Variants in FAM204A observed in about 807,000 individuals in gnomAD.
FAM204A encodes the protein family with sequence similarity 204 member A.
FAM204A carries 16 observed loss-of-function variants against 35.4 expected under a neutral mutation model. The ratio of observed to expected loss-of-function variants is 0.45; its 90% CI spans 0.31 to 0.69. FAM204A has a LOEUF of 0.69. Among genes scored for constraint, FAM204A ranks in the 30% least tolerant of loss-of-function variants. FAM204A has a pLI of 0.07. For missense variants in FAM204A, 240 were observed against 265.7 expected (o/e 0.90, Z 0.67); for synonymous variants, 76 against 86.9 (o/e 0.88, Z 0.70).
At chr10:118,316,203 C>T (rs930284944) in intron 7 of FAM204A, among the ~76,000 whole-genome samples, 5 of 152,058 alleles carry the variant, frequency 3.3e-5, no homozygotes, top group African/African-American at 9.7e-5. Flanking sequence ...AAATAACTTT[C>T]GAAACTCTGC....
chr10:118,314,457 A>C (rs1019239500), intron 7 of FAM204A, among the ~76,000 whole-genome samples: 1 of 152,218 alleles, frequency 6.6e-6, no homozygotes, highest in African/African-American at 2.4e-5. Context: ...TGAAAATATA[A>C]AAGGCTAATA....
At chr10:118,315,638 T>C (rs1846018681) in intron 7 of FAM204A, among the ~76,000 whole-genome samples, 1 of 152,130 alleles carries the variant, frequency 6.6e-6, no homozygotes, top group African/African-American at 2.4e-5. Context: ...AATTTTTATA[T>C]CAGTTTGGTC....
chr10:118,318,893 T>C (rs1001284228), intron 7 of FAM204A, among the ~76,000 whole-genome samples: 5 of 151,666 alleles, frequency 3.3e-5, no homozygotes, highest in African/African-American at 4.8e-5. Context: ...ACACTCCAGG[T>C]ACTCTGATCA....
intron 7 of FAM204A, among the ~76,000 whole-genome samples, chr10:118,320,505 G>GTT (rs1406975889): frequency 6.6e-6 from 1 of 151,832 alleles, no homozygotes; most frequent in East Asian, 1.9e-4. Flanking sequence ...CCAAGTCTGA[G>GTT]TTTAACAAGC....
chr10:118,341,069 T>C (rs1180704067), intron 2 of FAM204A, among the ~76,000 whole-genome samples: 1 of 152,228 alleles, frequency 6.6e-6, no homozygotes, highest in Non-Finnish European at 1.5e-5. Context: ...CAAGATGCTA[T>C]ACTAAGTTGC....
chr10:118,310,780 A>G lies in FAM204A; in HGVS notation c.*77T>C, dbSNP rs1289992489. ...GTTTTAGTGCTATCAATTTTCTGAC[A>G]TATTAACATAGGCAGGAAAACATTC... On this transcript the variant is annotated 3_prime_UTR_variant, in exon 9 of 9. Transcript: ENST00000369183. 8.0e-7 allele frequency: 1 copy of G among 1,243,684 alleles called. No homozygotes were observed. Among genetic ancestry groups the G allele is most frequent in the Admixed American group, 2.3e-5 (1 of 43,798 alleles). 77.0% of individuals were successfully genotyped at this position (1,243,684 alleles called of 1,614,324 possible).
At chr10:118,311,936 T>C (rs1438535430) in intron 7 of FAM204A, among the ~76,000 whole-genome samples, 1 of 152,162 alleles carries the variant, frequency 6.6e-6, no homozygotes, top group Non-Finnish European at 1.5e-5. Flanking sequence ...GCCCTCTATG[T>C]GTGCCCCCCT....
Position 118,336,274 on chromosome 10 carries a change from C to G in FAM204A, c.142G>C (p.Asp48His), listed in dbSNP as rs146725250. The change falls in exon 3 of 9, where the codon GAT becomes CAT. Residue 48 changes from aspartate (D) to histidine (H), a missense_variant. By Grantham distance (81) the Asp-to-His change is moderately conservative. Transcript: ENST00000369183. ...DESIRKTEII[D>H]FSTDEPKTET... ...GTTTTTGGTTCATCTGTTGAGAAATCTATGATTTCTGTTTTTCTGATGCTC... is the reference window on the plus strand; with the variant it reads ...GTTTTTGGTTCATCTGTTGAGAAATGTATGATTTCTGTTTTTCTGATGCTC... 2.5e-6 allele frequency: 4 copies of G among 1,613,830 alleles called. No homozygotes were observed. The African/African-American group carries it at 5.3e-5, about 22-fold the overall frequency.
In FAM204A at chr10:118,336,363, T is replaced by A; in HGVS notation, c.53A>T (p.Asn18Ile). ...CTCCAACGTAGCTTCATCTTCCGAG[T>A]TTGACTCAGCGTCACTTTCATTTAG... ...PGLNESDAESNSEDEATLENS... is the reference protein window; with the variant it reads ...PGLNESDAESISEDEATLENS... The change falls in exon 3 of 9, where the codon AAC becomes ATC. Residue 18 changes from asparagine (N) to isoleucine (I), a missense_variant. This residue lies in a region of FAM204A where 232 missense variants were observed against 242.8 expected (regional missense o/e 0.96). Coordinates refer to ENST00000369183, the MANE Select transcript of FAM204A (RefSeq NM_022063.3). 1 of 1,613,956 alleles carries A rather than the reference T, an allele frequency of 6.2e-7. No homozygotes were observed. The highest frequency in any genetic ancestry group is 1.3e-5 in the African/African-American group (1 of 75,050).
chr10:118,317,496 A>G (rs944807819), intron 7 of FAM204A, among the ~76,000 whole-genome samples: 1 of 152,044 alleles, frequency 6.6e-6, no homozygotes, highest in Non-Finnish European at 1.5e-5. Context: ...ACCCAATCAT[A>G]CCCCAAAGGT....
chr10:118,318,926 C>CT lies in FAM204A; in HGVS notation c.543+7227dup, dbSNP rs375940724. 2.1e-3 allele frequency among the ~76,000 whole-genome samples: 290 copies of CT among 140,894 alleles called. 1 individual carries two copies. Among genetic ancestry groups the CT allele is most frequent in the Middle Eastern group, 7.5e-3 (2 of 266 alleles). 92.4% of individuals were successfully genotyped at this position (140,894 alleles called of 152,430 possible). On this transcript the variant is annotated intron_variant, in intron 7 of 8. Transcript: ENST00000369183. ...TCAAAATTGTATTATTTGGGAAGGG[C>CT]TTTTTTTTTTTTTCCCAGGGGGAGG...
At chr10:118,316,222 T>C (rs939271495) in intron 7 of FAM204A, among the ~76,000 whole-genome samples, 1 of 152,190 alleles carries the variant, frequency 6.6e-6, no homozygotes, top group African/African-American at 2.4e-5. Flanking sequence ...GCATTAATAT[T>C]GATTTTTAAA....
intron 3 of FAM204A, 31 bp downstream of exon 3, chr10:118,336,151 C>A: frequency 6.2e-7 from 1 of 1,600,390 alleles, no homozygotes; most frequent in South Asian, 1.1e-5. Flanking sequence ...CACACACAGG[C>A]TGTAGCAAGA....
chr10:118,315,457 C>A (rs1846016131), intron 7 of FAM204A, among the ~76,000 whole-genome samples: 1 of 152,098 alleles, frequency 6.6e-6, no homozygotes, highest in Non-Finnish European at 1.5e-5. Context: ...TGAACACTTT[C>A]AAGGCACTTA....
At chr10:118,330,227 A>T (rs1589727604) in intron 6 of FAM204A, among the ~76,000 whole-genome samples, 1 of 152,332 alleles carries the variant, frequency 6.6e-6, no homozygotes, top group East Asian at 1.9e-4. Context: ...AAACATTAAT[A>T]TCAAACTACA....
Position 118,310,747 on chromosome 10 carries a change from T to C in FAM204A, c.*110A>G. ...ATAATCAAAATCCCAAATTTTATGC[T>C]TATTTTTGTTTTAGTGCTATCAATT... On this transcript the variant is annotated 3_prime_UTR_variant, in exon 9 of 9. Coordinates refer to ENST00000369183, the MANE Select transcript of FAM204A (RefSeq NM_022063.3). 4 of 911,414 alleles carry C rather than the reference T, an allele frequency of 4.4e-6. No individual in the cohort carries two copies. Among genetic ancestry groups the C allele is most frequent in the Admixed American group, 2.6e-5 (1 of 39,028 alleles). 56.5% of individuals were successfully genotyped at this position (911,414 alleles called of 1,614,324 possible).
rs1251770820 is a variant in FAM204A, at chr10:118,332,370, C to T, written c.453+2744G>A. On this transcript the variant is annotated intron_variant, in intron 6 of 8. Transcript: ENST00000369183. ...ACACTGGACCTATCAACCTACCCCA[C>T]GGAAATCACACAGGAACCAAGAGGC... Among the ~76,000 whole-genome samples the T allele has an allele frequency of 2.0e-5, 3 of 151,660 alleles. No individual in the cohort carries two copies. In the East Asian group the frequency reaches 5.8e-4, roughly 29 times the overall value.
In FAM204A at chr10:118,310,627, AT is replaced by A. The variant is rs563082921; in HGVS notation, c.*229del. 1.0e-3 allele frequency: 507 copies of A among 492,456 alleles called. 3 individuals carry two copies. The highest frequency in any genetic ancestry group is 2.8e-3 in the South Asian group (89 of 32,084). 30.5% of individuals were successfully genotyped at this position (492,456 alleles called of 1,614,324 possible). ...CAAAATCCTATCCTCTTCTTTCTAT[AT>A]TTTTTTTCTTACATTTCTTATACAA... On this transcript the variant is annotated 3_prime_UTR_variant, in exon 9 of 9. Transcript: ENST00000369183.
intron 7 of FAM204A, 91 bp from the exon 8 acceptor site, chr10:118,311,404 G>A: frequency 3.0e-6 from 3 of 998,074 alleles, no homozygotes; most frequent in South Asian, 3.2e-5. Flanking sequence ...GAACTTGTGG[G>A]TAAGAAAGCC....
Sources: allele counts gnomAD v4.1 joint callset (sites outside exome capture counted in the v4.1 genomes callset), GRCh38; gene constraint gnomAD v4.1.1; regional missense constraint gnomAD v4.1.1; transcripts MANE v1.5; gene names NCBI Gene and HGNC (gene_info 2026-07-23, HGNC 2026-07-21).